ERBB4: variants seen among roughly 807,000 people sequenced by gnomAD.
ERBB4 encodes the protein receptor tyrosine-protein kinase erbB-4.
Under a neutral mutation model 158.0 loss-of-function variants are expected in ERBB4, and 42 were observed. The ratio of observed to expected loss-of-function variants is 0.27; its 90% CI spans 0.21 to 0.34. The LOEUF (loss-of-function observed/expected upper bound fraction) is 0.34. Among genes scored for constraint, ERBB4 ranks in the 10% least tolerant of loss-of-function variants. The probability of loss-of-function intolerance (pLI) is 1.00; values close to 1 mark genes in which losing one functional copy is unlikely to be tolerated. For synonymous variants in ERBB4, 583 were observed against 558.7 expected (o/e 1.04, Z -0.61); for missense variants, 1,333 against 1,624.1 (o/e 0.82, Z 3.08).
intron 20 of ERBB4, among the ~76,000 whole-genome samples, chr2:211,503,749 T>A (rs755861589): frequency 2.0e-5 from 3 of 151,558 alleles, no homozygotes; most frequent in Non-Finnish European, 4.4e-5. Context: ...GCTGAAAACA[T>A]CAGGTCACCA....
intron 7 of ERBB4, among the ~76,000 whole-genome samples, chr2:211,717,028 G>A (rs1559452197): frequency 6.6e-6 from 1 of 152,138 alleles, no homozygotes; most frequent in Non-Finnish European, 1.5e-5. Context: ...AAGAAAAGGG[G>A]AATTCTCTAA....
At chr2:211,442,752 A>G (rs754068578) in intron 20 of ERBB4, among the ~76,000 whole-genome samples, 60 of 151,716 alleles carry the variant, frequency 4.0e-4, no homozygotes, top group Admixed American at 1.3e-3. Flanking sequence ...TATGAATCTC[A>G]ATAGAGCACT....
At chr2:212,390,439 T>TA (rs997429858) in intron 1 of ERBB4, among the ~76,000 whole-genome samples, 3 of 151,884 alleles carry the variant, frequency 2.0e-5, no homozygotes, top group African/African-American at 7.2e-5. Context: ...TTACACACAT[T>TA]AAAAAAATCA....
intron 1 of ERBB4, among the ~76,000 whole-genome samples, chr2:212,304,755 C>G (rs372220861): frequency 6.6e-6 from 1 of 151,394 alleles, no homozygotes; most frequent in Non-Finnish European, 1.5e-5. Context: ...CTTCTAGTAA[C>G]TAAAAAAGCT....
rs369540316 is a variant in ERBB4, at chr2:211,618,919, C to T, written c.2301+258G>A. 3.9e-5 allele frequency among the ~76,000 whole-genome samples: 6 copies of T among 152,084 alleles called. No individual in the cohort carries two copies. The East Asian group carries it at 1.2e-3, about 29-fold the overall frequency. On this transcript the variant is annotated intron_variant, in intron 19 of 27. Transcript: ENST00000342788. ...TGTCTGAATCAATGTAGATAATTCA[C>T]CTTGGGGACTGTAAATATCTTGAAA... is the stretch of plus-strand genomic sequence containing the variant.
chr2:211,941,716 CTTTTTTT>C (rs57686734), intron 3 of ERBB4, among the ~76,000 whole-genome samples: 1 of 132,972 alleles, frequency 7.5e-6, no homozygotes, highest in Admixed American at 7.6e-5. Flanking sequence ...ATTTGGAACA[CTTTTTTT>C]TTTTTTTTTT....
At chr2:211,735,708 A>T (rs1286682925) in intron 5 of ERBB4, among the ~76,000 whole-genome samples, 1 of 152,154 alleles carries the variant, frequency 6.6e-6, no homozygotes, top group African/African-American at 2.4e-5. Flanking sequence ...TCAGACCCAG[A>T]GAGGGCCAAC....
At chr2:212,392,524 T>G (rs1310156842) in intron 1 of ERBB4, among the ~76,000 whole-genome samples, 1 of 152,040 alleles carries the variant, frequency 6.6e-6, no homozygotes, top group Non-Finnish European at 1.5e-5. Context: ...GGTAATAAAT[T>G]CTGCTAGGTA....
At chr2:212,508,746 G>A (rs1691337329) in intron 1 of ERBB4, among the ~76,000 whole-genome samples, 1 of 152,006 alleles carries the variant, frequency 6.6e-6, no homozygotes, top group Non-Finnish European at 1.5e-5. Flanking sequence ...TTCTTTAGTA[G>A]TCTTTCTAAA....
At chr2:212,006,928 A>G (rs2076273646) in intron 2 of ERBB4, among the ~76,000 whole-genome samples, 1 of 152,058 alleles carries the variant, frequency 6.6e-6, no homozygotes, top group Non-Finnish European at 1.5e-5. Context: ...TAATGATAGG[A>G]AAACATTTTG....
chr2:212,370,208 T>G (rs2090039328), intron 1 of ERBB4, among the ~76,000 whole-genome samples: 1 of 152,112 alleles, frequency 6.6e-6, no homozygotes, highest in Non-Finnish European at 1.5e-5. Context: ...TATAAGGGGC[T>G]TCCCCCTTCA....
intron 20 of ERBB4, among the ~76,000 whole-genome samples, chr2:211,483,041 G>A (rs1457405256): frequency 1.3e-5 from 2 of 151,768 alleles, no homozygotes; most frequent in Non-Finnish European, 2.9e-5. Flanking sequence ...AATAGACATA[G>A]AAGTTATAAA....
chr2:211,671,189 T>C (rs1226633477), intron 14 of ERBB4, among the ~76,000 whole-genome samples: 1 of 152,084 alleles, frequency 6.6e-6, no homozygotes, highest in African/African-American at 2.4e-5. Flanking sequence ...CAGTATACAA[T>C]AGATGAAGAA....
At position 211,430,930 on chromosome 2, in the gene ERBB4, CAAAAAGA is replaced by C; in HGVS notation, c.2643+8_2643+14del. 6.2e-7 allele frequency: 1 copy of C among 1,607,664 alleles called. No homozygotes were observed. ...CTATATTTTCAAGCAAGATTGCTCT[CAAAAAGA>C]TACCCACCTTTCCTCCATCAGCATT... On this transcript the variant is annotated splice_region_variant and intron_variant, in intron 21 of 27. Transcript: ENST00000342788.
intron 3 of ERBB4, among the ~76,000 whole-genome samples, chr2:211,913,617 A>ACG (rs2079597259): frequency 8.4e-6 from 1 of 118,432 alleles, no homozygotes; most frequent in Non-Finnish European, 1.7e-5. Context: ...ATATATATAT[A>ACG]TATGTGTGTG....
chr2:211,539,848 C>T (rs2066751854), intron 20 of ERBB4, among the ~76,000 whole-genome samples: 1 of 151,960 alleles, frequency 6.6e-6, no homozygotes, highest in South Asian at 2.1e-4. Flanking sequence ...CTTTCTTATG[C>T]TGAAAACTTC....
intron 16 of ERBB4, among the ~76,000 whole-genome samples, chr2:211,653,281 A>T (rs552015036): frequency 6.6e-6 from 1 of 152,220 alleles, no homozygotes; most frequent in Non-Finnish European, 1.5e-5. Context: ...AGGTAAAAAA[A>T]GAAATTCTAT....
At chr2:211,656,900 T>C (rs907549764) in intron 16 of ERBB4, among the ~76,000 whole-genome samples, 1 of 152,206 alleles carries the variant, frequency 6.6e-6, no homozygotes, top group African/African-American at 2.4e-5. Flanking sequence ...TGGGTGATTA[T>C]GAAAAAGCCA....
chr2:211,411,578 A>G (rs375606974), intron 25 of ERBB4, among the ~76,000 whole-genome samples: 1 of 152,208 alleles, frequency 6.6e-6, no homozygotes, highest in Non-Finnish European at 1.5e-5. Context: ...CATGATCTAT[A>G]TTTTGAAAGA....
Sources: gnomAD v4.1 joint callset for allele counts (sites outside exome capture counted in the v4.1 genomes callset) on GRCh38, gnomAD v4.1.1 for gene constraint, MANE v1.5 for transcripts, NCBI Gene and HGNC (gene_info 2026-07-23, HGNC 2026-07-21) for gene names.